COL23A1: variants seen among roughly 807,000 people sequenced by gnomAD.
The protein encoded by COL23A1 is collagen alpha-1(XXIII) chain.
A neutral mutation model predicts 99.3 loss-of-function variants in COL23A1; 97 were observed. The ratio of observed to expected loss-of-function variants is 0.98; its 90% CI spans 0.83 to 1.16. The LOEUF (loss-of-function observed/expected upper bound fraction) is 1.16, where lower values mean the gene tolerates loss of function less well. COL23A1 is among the 50% of genes most tolerant of loss of function. The probability of loss-of-function intolerance (pLI) is 0.00; values close to 1 mark genes in which losing one functional copy is unlikely to be tolerated. For synonymous variants in COL23A1, 320 were observed against 308.2 expected (o/e 1.04, Z -0.40); for missense variants, 762 against 757.4 (o/e 1.01, Z -0.07).
At chr5:178,527,729 C>G (rs1168972721) in intron 2 of COL23A1, among the ~76,000 whole-genome samples, 1 of 152,172 alleles carries the variant, frequency 6.6e-6, no homozygotes, top group African/African-American at 2.4e-5. Context: ...CCTTCCACTA[C>G]AAGCTGCCAC....
chr5:178,498,735 A>G (rs1344269012), intron 2 of COL23A1, among the ~76,000 whole-genome samples: 1 of 152,206 alleles, frequency 6.6e-6, no homozygotes, highest in Non-Finnish European at 1.5e-5. Flanking sequence ...ATGATTAAAA[A>G]ATCCAACTAT....
intron 2 of COL23A1, among the ~76,000 whole-genome samples, chr5:178,386,622 G>C (rs1342283051): frequency 3.9e-5 from 6 of 152,060 alleles, no homozygotes. Flanking sequence ...TAAAGTGGGG[G>C]TCTGTTTTCC....
intron 2 of COL23A1, among the ~76,000 whole-genome samples, chr5:178,354,164 C>A (rs926411044): frequency 2.0e-5 from 3 of 151,092 alleles, no homozygotes; most frequent in Non-Finnish European, 4.4e-5. Context: ...TTTTATAATT[C>A]TTTTCCCCTA....
chr5:178,246,090 C>A (rs1764678228), intron 24 of COL23A1, 122 bp from the exon 25 acceptor site: 10 of 1,339,984 alleles, frequency 7.5e-6, no homozygotes, highest in Non-Finnish European at 9.6e-6. Context: ...ACCAACCACG[C>A]AGGCATAGAT....
chr5:178,457,087 G>A (rs1767839222), intron 2 of COL23A1, among the ~76,000 whole-genome samples: 1 of 152,172 alleles, frequency 6.6e-6, no homozygotes, highest in African/African-American at 2.4e-5. Context: ...AAAAAGGTGT[G>A]GGCCACGTGT....
intron 2 of COL23A1, among the ~76,000 whole-genome samples, chr5:178,358,705 G>GTA (rs745928615): frequency 1.3e-4 from 20 of 148,200 alleles, no homozygotes; most frequent in Middle Eastern, 3.5e-3. Flanking sequence ...GTATGTGTAT[G>GTA]TGTGTATGTG....
chr5:178,295,475 A>G (rs1018838564), intron 3 of COL23A1, among the ~76,000 whole-genome samples: 10 of 152,232 alleles, frequency 6.6e-5, no homozygotes, highest in Admixed American at 2.0e-4. Context: ...AATGAAAAAA[A>G]TCTCATGACC....
chr5:178,539,691 C>T (rs1166260231), intron 2 of COL23A1, among the ~76,000 whole-genome samples: 1 of 151,990 alleles, frequency 6.6e-6, no homozygotes, highest in Non-Finnish European at 1.5e-5. Context: ...GTGAATTCTT[C>T]CAAACACTTC....
chr5:178,544,878 T>C lies in COL23A1; in HGVS notation c.361+15804A>G, dbSNP rs73344439. Among the ~76,000 whole-genome samples the C allele has an allele frequency of 0.014, 2,170 of 152,114 alleles. 57 individuals are homozygous for C. The highest frequency in any genetic ancestry group is 0.049 in the African/African-American group (2,053 of 41,476). ...GAGTTTGAGACCAGGGAGGCCAGGC[T>C]GAGCAACACAGCAAACCCCGTCTCT... is the stretch of plus-strand genomic sequence containing the variant. On this transcript the variant is annotated intron_variant, in intron 2 of 28. Coordinates refer to ENST00000390654, the MANE Select transcript of COL23A1 (RefSeq NM_173465.4). This position sits in a 1 kb window ranked among gnomAD's most constrained non-coding sequence, Gnocchi z 4.4.
chr5:178,460,363 A>C (rs1756049993), intron 2 of COL23A1, among the ~76,000 whole-genome samples: 1 of 152,128 alleles, frequency 6.6e-6, no homozygotes, highest in South Asian at 2.1e-4. Flanking sequence ...TGCCCATCCC[A>C]GTAGGATGGA....
At position 178,249,115 on chromosome 5, in the gene COL23A1, A is replaced by G; in HGVS notation, c.1149+2T>C. On this transcript the variant is annotated splice_donor_variant, in intron 19 of 28. Transcript: ENST00000390654. LOFTEE classifies it high-confidence loss of function. ...AATGTGTGGCCCAACCCAGCCACAT[A>G]CCGGGAGGCCGGACAAGCCCATCTC... 6.2e-7 allele frequency: 1 copy of G among 1,614,028 alleles called. No homozygotes were observed. Among genetic ancestry groups the G allele is most frequent in the South Asian group, 1.1e-5 (1 of 91,082 alleles).
chr5:178,248,910 G>A (rs546033918), intron 19 of COL23A1, among the ~76,000 whole-genome samples: 1 of 152,340 alleles, frequency 6.6e-6, no homozygotes, highest in East Asian at 1.9e-4. Context: ...GAGGCAGGTG[G>A]AAGGCTTCTT....
intron 7 of COL23A1, 92 bp from the exon 8 acceptor site, chr5:178,267,425 A>T: frequency 7.7e-7 from 1 of 1,291,696 alleles, no homozygotes; most frequent in Non-Finnish European, 1.1e-6. Flanking sequence ...CTTCATAGAC[A>T]TGGTATGACT....
intron 2 of COL23A1, among the ~76,000 whole-genome samples, chr5:178,445,766 G>A (rs1767124848): frequency 2.0e-5 from 3 of 151,820 alleles, no homozygotes; most frequent in African/African-American, 7.3e-5. Context: ...ATCTTTCCAG[G>A]ATATGACACC....
In COL23A1 at chr5:178,357,980, ATG is replaced by A. The variant is rs757047759; in HGVS notation, c.362-51063_362-51062del. 8.8e-3 allele frequency among the ~76,000 whole-genome samples: 1,221 copies of A among 138,956 alleles called. 27 individuals carry two copies. Among genetic ancestry groups the A allele is most frequent in the African/African-American group, 0.028 (1,036 of 37,144 alleles). The allele number at this position is 138,956 out of a possible 152,430, so 91.2% of individuals were successfully genotyped here. A position where few individuals can be genotyped will look rare whatever the true frequency, so the allele number is the denominator to read the frequency against. ...TATGTGTGTATGTGTATGTGTATAT[ATG>A]TGTGTATGCGTGTGTGTATATGTAT... On this transcript the variant is annotated intron_variant, in intron 2 of 28. Transcript: ENST00000390654.
At chr5:178,315,303 A>C (rs1758918510) in intron 2 of COL23A1, among the ~76,000 whole-genome samples, 1 of 152,104 alleles carries the variant, frequency 6.6e-6, no homozygotes, top group African/African-American at 2.4e-5. Context: ...GGCTCAGGCA[A>C]GGGGGTGCCC....
intron 2 of COL23A1, among the ~76,000 whole-genome samples, chr5:178,514,398 G>A (rs544726): frequency 0.66 from 100,165 of 152,156 alleles, 34,295 homozygotes; most frequent in East Asian, 0.88. Flanking sequence ...CCAAGCCCCT[G>A]CTTTCAACTG....
chr5:178,540,345 C>A (rs1581596392), intron 2 of COL23A1, among the ~76,000 whole-genome samples: 1 of 152,014 alleles, frequency 6.6e-6, no homozygotes, highest in African/African-American at 2.4e-5. Context: ...AAGTCATCAC[C>A]AACAGAAAGC....
intron 2 of COL23A1, among the ~76,000 whole-genome samples, chr5:178,535,957 A>G (rs1307938236): frequency 6.6e-6 from 1 of 152,252 alleles, no homozygotes. Flanking sequence ...CTGGATTCCC[A>G]GGACCCGAGA....
Sources: allele counts gnomAD v4.1 joint callset (sites outside exome capture counted in the v4.1 genomes callset), GRCh38; gene constraint gnomAD v4.1.1; non-coding constraint Gnocchi (gnomAD v3.1); transcripts MANE v1.5; gene names NCBI Gene and HGNC (gene_info 2026-07-23, HGNC 2026-07-21).